Variants in NDC1 observed in about 807,000 individuals in gnomAD.
NDC1 encodes the protein NDC1 transmembrane nucleoporin, also known as nucleoporin NDC1.
In NDC1, 24 loss-of-function variants were observed where a neutral mutation model predicts 89.8. The ratio of observed to expected loss-of-function variants is 0.27; its 90% CI spans 0.19 to 0.38. The LOEUF (loss-of-function observed/expected upper bound fraction) is 0.38, where lower values mean the gene tolerates loss of function less well. Ranked by LOEUF, NDC1 falls within the 10% of genes least tolerant of loss-of-function variation. The pLI is 1.00. For missense variants in NDC1, 728 were observed against 797.6 expected (o/e 0.91, Z 1.05); for synonymous variants, 296 against 284.8 (o/e 1.04, Z -0.39).
intron 3 of NDC1, among the ~76,000 whole-genome samples, chr1:53,830,774 A>C (rs1309030299): frequency 6.6e-6 from 1 of 151,748 alleles, no homozygotes; most frequent in Non-Finnish European, 1.5e-5. Flanking sequence ...AGGTAGGAGA[A>C]TCGCTTGAAA....
intron 16 of NDC1, among the ~76,000 whole-genome samples, chr1:53,779,983 T>C (rs1434838232): frequency 6.6e-6 from 1 of 152,118 alleles, no homozygotes; most frequent in Non-Finnish European, 1.5e-5. Flanking sequence ...AGCCATTAAT[T>C]ATCTCACATC....
chr1:53,774,491 CATT>C (rs1258624725), intron 16 of NDC1, among the ~76,000 whole-genome samples: 3 of 152,276 alleles, frequency 2.0e-5, no homozygotes, highest in African/African-American at 4.8e-5. Flanking sequence ...TAATCATCAT[CATT>C]AATGCCTGGG....
At chr1:53,810,960 G>C (rs1191671144) in intron 6 of NDC1, among the ~76,000 whole-genome samples, 1 of 152,206 alleles carries the variant, frequency 6.6e-6, no homozygotes, top group Non-Finnish European at 1.5e-5. Flanking sequence ...TGCCCCAACT[G>C]TGGAAGTGGA....
chr1:53,797,618 C>T (rs144133469), intron 11 of NDC1, among the ~76,000 whole-genome samples: 3 of 151,816 alleles, frequency 2.0e-5, no homozygotes, highest in African/African-American at 4.8e-5. Context: ...TTTTCCTTTC[C>T]TTTTCTTTTT....
intron 11 of NDC1, among the ~76,000 whole-genome samples, chr1:53,799,594 A>C (rs1647837478): frequency 6.6e-6 from 1 of 152,188 alleles, no homozygotes; most frequent in Non-Finnish European, 1.5e-5. Context: ...TTTCACCTCA[A>C]AATTTGTTTA....
At chr1:53,825,738 C>T in intron 5 of NDC1, 60 bp downstream of exon 5, 1 of 1,430,452 alleles carries the variant, frequency 7.0e-7, no homozygotes, top group Non-Finnish European at 9.5e-7. Flanking sequence ...TATACATATG[C>T]ACCAAGGCAA....
Position 53,796,733 on chromosome 1 carries a change from G to T in NDC1, c.1540C>A (p.Gln514Lys), listed in dbSNP as rs1185885389. The T allele has an allele frequency of 1.2e-6, 2 of 1,611,688 alleles. No homozygotes were observed. Among genetic ancestry groups the T allele is most frequent in the Admixed American group, 1.7e-5 (1 of 59,310 alleles). The change falls in exon 13 of 18, where the codon CAA (glutamine) becomes AAA (lysine). Residue 514 changes from glutamine (Q) to lysine (K), a missense_variant. Transcript: ENST00000371429. ...ATCCATGAATAAATCACACTGGGTT[G>T]TCTCATTGTCTTACCCTCAGCACTA... ...SISAEGKTMR[Q>K]PSVIYSWIQN... is the part of the protein sequence containing the mutation.
At chr1:53,799,323 T>C (rs1181180) in intron 11 of NDC1, among the ~76,000 whole-genome samples, 38,639 of 152,094 alleles carry the variant, frequency 0.25, 5,911 homozygotes, top group African/African-American at 0.43. Flanking sequence ...TAGCACATTG[T>C]TTGGTATGCA....
At chr1:53,814,509 A>G (rs1648415549) in intron 6 of NDC1, among the ~76,000 whole-genome samples, 1 of 152,222 alleles carries the variant, frequency 6.6e-6, no homozygotes. Context: ...AAAGAGCACA[A>G]ACTGACATTC....
chr1:53,807,901 G>C (rs1392319961), intron 7 of NDC1, 110 bp from the exon 8 acceptor site: 5 of 964,602 alleles, frequency 5.2e-6, no homozygotes, highest in Non-Finnish European at 7.7e-6. Context: ...TAACAATGTT[G>C]ACAGACTCCT....
At chr1:53,792,146 G>A (rs1220078605) in intron 14 of NDC1, among the ~76,000 whole-genome samples, 1 of 152,080 alleles carries the variant, frequency 6.6e-6, no homozygotes, top group African/African-American at 2.4e-5. Flanking sequence ...GTTTCACCGT[G>A]TTAGCCAGGA....
intron 4 of NDC1, among the ~76,000 whole-genome samples, chr1:53,826,657 A>T (rs751114379): frequency 1.5e-4 from 23 of 151,814 alleles, no homozygotes; most frequent in Non-Finnish European, 2.9e-4. Context: ...AAGCTCTCAA[A>T]CTCCTTTGAG....
chr1:53,795,558 T>G (rs1443729250), intron 13 of NDC1, among the ~76,000 whole-genome samples: 1 of 152,172 alleles, frequency 6.6e-6, no homozygotes, highest in African/African-American at 2.4e-5. Context: ...ATTCCAGATC[T>G]TCAGGCCAAA....
intron 16 of NDC1, among the ~76,000 whole-genome samples, chr1:53,786,033 TCCTG>T (rs1240297790): frequency 2.0e-5 from 3 of 152,166 alleles, no homozygotes; most frequent in Non-Finnish European, 4.4e-5. Flanking sequence ...CAAGCGATTC[TCCTG>T]CCTCAGCGTC....
At chr1:53,778,262 C>CACACACACACACATAT (rs1247447483) in intron 16 of NDC1, among the ~76,000 whole-genome samples, 24 of 83,546 alleles carry the variant, frequency 2.9e-4, no homozygotes, top group African/African-American at 1.6e-3. Flanking sequence ...TGTGTATATA[C>CACACACACACACATAT]ACACACACAC....
intron 11 of NDC1, among the ~76,000 whole-genome samples, chr1:53,798,910 T>C (rs1340301990): frequency 6.6e-6 from 1 of 152,162 alleles, no homozygotes; most frequent in African/African-American, 2.4e-5. Context: ...AAAATCAATT[T>C]AAAAATTAAG....
chr1:53,791,116 G>A (rs543360023), intron 14 of NDC1, among the ~76,000 whole-genome samples: 4 of 152,070 alleles, frequency 2.6e-5, no homozygotes, highest in African/African-American at 9.6e-5. Flanking sequence ...GCTTCTATAC[G>A]TAAGTAAGAA....
chr1:53,769,287 A>G (rs960942327), intron 17 of NDC1, among the ~76,000 whole-genome samples: 2 of 152,212 alleles, frequency 1.3e-5, no homozygotes, highest in African/African-American at 2.4e-5. Context: ...AGGTCAAAGG[A>G]TAGAAAGTTG....
chr1:53,834,646 T>C (rs547393948), intron 2 of NDC1, among the ~76,000 whole-genome samples: 130 of 152,256 alleles, frequency 8.5e-4, no homozygotes, highest in Non-Finnish European at 7.8e-4. Flanking sequence ...AGTTATCCCA[T>C]TTATAAAGTA....
Sources: allele counts gnomAD v4.1 joint callset (sites outside exome capture counted in the v4.1 genomes callset), GRCh38; gene constraint gnomAD v4.1.1; transcripts MANE v1.5; gene names NCBI Gene and HGNC (gene_info 2026-07-23, HGNC 2026-07-21).